The following L3MBTL2 variants were observed in gnomAD, a reference collection of about 807,000 sequenced individuals.
L3MBTL2 encodes lethal(3)malignant brain tumor-like protein 2.
In L3MBTL2, 49 loss-of-function variants were observed where a neutral mutation model predicts 86.4. That is an observed-to-expected ratio of 0.57 (90% CI 0.45 to 0.72). The LOEUF (loss-of-function observed/expected upper bound fraction) is 0.72, where lower values mean the gene tolerates loss of function less well. Among genes scored for constraint, L3MBTL2 ranks in the 30% least tolerant of loss-of-function variants. The pLI is 0.00. For missense variants in L3MBTL2, 755 were observed against 923.7 expected, an observed-to-expected ratio of 0.82 and a Z score of 2.37; for synonymous variants, 336 against 350.6, an observed-to-expected ratio of 0.96 and a Z score of 0.47.
rs778258791 is a variant in L3MBTL2 at position 41,227,553 on chromosome 22, G to A, written c.1822+230G>A. Reference sequence around the variant, plus strand: ...CTTCATCTTGCCCACTCTGTCATATGTTCGTGCCCTTGTGCACCCAGGTAA... The same window carrying A: ...CTTCATCTTGCCCACTCTGTCATATATTCGTGCCCTTGTGCACCCAGGTAA... On this transcript the variant is annotated intron_variant, in intron 14 of 16. Coordinates refer to ENST00000216237, the MANE Select transcript of L3MBTL2 (RefSeq NM_031488.5). The surrounding 1 kb of genome is among the most constrained non-coding windows in gnomAD (Gnocchi z 6.0). The A allele has an allele frequency of 3.9e-6, 6 of 1,533,580 alleles. No homozygotes were observed. Among genetic ancestry groups the A allele is most frequent in the Non-Finnish European group, 5.3e-6 (6 of 1,132,558 alleles). 95.0% of individuals were successfully genotyped at this position (1,533,580 alleles called of 1,614,324 possible).
At chr22:41,221,907 T>C (rs1183880089) in intron 8 of L3MBTL2, among the ~76,000 whole-genome samples, 1 of 132,052 alleles carries the variant, frequency 7.6e-6, no homozygotes, top group African/African-American at 2.9e-5. Flanking sequence ...CCAGCCTTTT[T>C]TTTCTTTTTG....
chr22:41,221,968 G>A (rs2031856473), intron 8 of L3MBTL2, among the ~76,000 whole-genome samples: 1 of 151,448 alleles, frequency 6.6e-6, no homozygotes. Context: ...GCATAATCTT[G>A]GCTCATTGCA....
chr22:41,227,101 C>T lies in L3MBTL2; in HGVS notation c.1600C>T (p.His534Tyr). The change falls in exon 14 of 17, where the codon CAT becomes TAT. Residue 534 changes from histidine (H) to tyrosine (Y), a missense_variant. Physicochemically the swap from His to Tyr is moderately conservative, Grantham distance 83. Transcript: ENST00000216237. The surrounding 1 kb of genome is among the most constrained non-coding windows in gnomAD (Gnocchi z 6.0). ...TTTTCTGCCCCAGGATTGCCCAAACCATGGCTTCAAGGTGGGCATGAAGCT... is the reference window on the plus strand; with the variant it reads ...TTTTCTGCCCCAGGATTGCCCAAACTATGGCTTCAAGGTGGGCATGAAGCT... ...SRLFNMDCPN[H>Y]GFKVGMKLEA... 6.2e-7 allele frequency: 1 copy of T among 1,612,336 alleles called. No individual in the cohort carries two copies. The highest frequency in any genetic ancestry group is 8.5e-7 in the Non-Finnish European group (1 of 1,179,468).
In L3MBTL2 at chr22:41,230,563, TC is replaced by T; in HGVS notation, c.*318del. 1.6e-5 allele frequency: 6 copies of T among 364,698 alleles called. No homozygotes were observed. Among genetic ancestry groups the T allele is most frequent in the East Asian group, 1.2e-4 (2 of 16,352 alleles). The allele number at this position is 364,698 out of a possible 1,614,324, so 22.6% of individuals were successfully genotyped here. On this transcript the variant is annotated 3_prime_UTR_variant, in exon 17 of 17. Transcript: ENST00000216237. Reference sequence around the variant, plus strand: ...CTGCCTGCTCTTCCTTAAGATGGCCTCCCCCCGACCCGCCACGGCCCTCAGT... The same window carrying T: ...CTGCCTGCTCTTCCTTAAGATGGCCTCCCCCGACCCGCCACGGCCCTCAGT...
Position 41,214,230 on chromosome 22 carries a change from T to G in L3MBTL2, c.396+204T>G, listed in dbSNP as rs963531602. On this transcript the variant is annotated intron_variant, in intron 3 of 16. Coordinates refer to ENST00000216237, the MANE Select transcript of L3MBTL2 (RefSeq NM_031488.5). ...ATAGGTTCCTGAAGCTACGCTCCATTACCTACCATCATCCCCCAGAGTCTG... is the reference window on the plus strand; with the variant it reads ...ATAGGTTCCTGAAGCTACGCTCCATGACCTACCATCATCCCCCAGAGTCTG... 19 of 540,786 alleles carry G rather than the reference T, an allele frequency of 3.5e-5. No individual in the cohort carries two copies. In the South Asian group the frequency reaches 4.0e-4, roughly 11 times the overall value. The allele number at this position is 540,786 out of a possible 1,614,324, so 33.5% of individuals were successfully genotyped here.
At chr22:41,226,534 A>C (rs2032195541) in intron 12 of L3MBTL2, 128 bp from the exon 13 acceptor site, 1 of 719,082 alleles carries the variant, frequency 1.4e-6, no homozygotes, top group Non-Finnish European at 2.5e-6. Flanking sequence ...GATGAGAAGA[A>C]GGCTGCTGGG....
At chr22:41,211,413 C>T (rs1363287587) in intron 2 of L3MBTL2, among the ~76,000 whole-genome samples, 1 of 151,688 alleles carries the variant, frequency 6.6e-6, no homozygotes. Context: ...GCCCTGTTAC[C>T]CAGGCTGGTC....
At chr22:41,207,462 ATCC>A (rs1198119741) in intron 1 of L3MBTL2, among the ~76,000 whole-genome samples, 11 of 151,698 alleles carry the variant, frequency 7.3e-5, no homozygotes, top group Non-Finnish European at 1.0e-4. Context: ...GGCTCAAGCA[ATCC>A]TCCTGTCTCG....
Position 41,224,597 on chromosome 22 carries a change from A to C in L3MBTL2, c.1175-128A>C, listed in dbSNP as rs1326751411. ...TGCTACTCTGGGGTGGGGGGTCCTGAGATACAGAGATACAGCTGAGAACAC... is the reference window on the plus strand; with the variant it reads ...TGCTACTCTGGGGTGGGGGGTCCTGCGATACAGAGATACAGCTGAGAACAC... On this transcript the variant is annotated intron_variant, in intron 9 of 16. Coordinates refer to ENST00000216237, the MANE Select transcript of L3MBTL2 (RefSeq NM_031488.5). The surrounding 1 kb of genome is among the most constrained non-coding windows in gnomAD (Gnocchi z 4.9). 11 of 694,028 alleles carry C rather than the reference A, an allele frequency of 1.6e-5. No homozygotes were observed. Among genetic ancestry groups the C allele is most frequent in the Non-Finnish European group, 2.8e-5 (11 of 389,964 alleles). 43.0% of individuals were successfully genotyped at this position (694,028 alleles called of 1,614,324 possible).
Position 41,227,847 on chromosome 22 carries a change from A to G in L3MBTL2, c.1866A>G (p.Lys622=). 1.2e-6 allele frequency: 2 copies of G among 1,613,636 alleles called. No homozygotes were observed. The highest frequency in any genetic ancestry group is 1.1e-5 in the South Asian group (1 of 91,028). Residue 622 remains lysine (K), a synonymous_variant, in exon 15 of 17, where the codon AAA becomes AAG. Coordinates refer to ENST00000216237, the MANE Select transcript of L3MBTL2 (RefSeq NM_031488.5). This position sits in a 1 kb window ranked among gnomAD's most constrained non-coding sequence, Gnocchi z 6.0. Reference sequence around the variant, plus strand: ...AGGCCAAAGAGGCCACAAAGAAGAAAAAGAAACAGTTTGGGAAGAAAAGTA... The same window carrying G: ...AGGCCAAAGAGGCCACAAAGAAGAAGAAGAAACAGTTTGGGAAGAAAAGTA... ...PLKAKEATKK[K]KKQFGKKRKR...
chr22:41,229,767 T>C, intron 16 of L3MBTL2, 111 bp downstream of exon 16: 1 of 1,572,266 alleles, frequency 6.4e-7, no homozygotes, highest in African/African-American at 1.3e-5. Context: ...TTCTTTGGCA[T>C]TTTCTGGGCA....
chr22:41,219,416 C>CG lies in L3MBTL2; in HGVS notation c.601-3_601-2insG. 1 of 1,604,458 alleles carries CG rather than the reference C, an allele frequency of 6.2e-7. No homozygotes were observed. ...CTCTCGGTACACTCTCATCGCCACA[C>CG]AGGTCCCACTCTATGACCAGTGGGA... On this transcript the variant is annotated splice_region_variant and splice_polypyrimidine_tract_variant and intron_variant, in intron 5 of 16. Transcript: ENST00000216237.
chr22:41,225,993 G>C lies in L3MBTL2; in HGVS notation c.1504+52G>C. 6.3e-7 allele frequency: 1 copy of C among 1,590,430 alleles called. No individual in the cohort carries two copies. The highest frequency in any genetic ancestry group is 8.6e-7 in the Non-Finnish European group (1 of 1,167,668). On this transcript the variant is annotated intron_variant, in intron 12 of 16. Coordinates refer to ENST00000216237, the MANE Select transcript of L3MBTL2 (RefSeq NM_031488.5). This position sits in a 1 kb window ranked among gnomAD's most constrained non-coding sequence, Gnocchi z 4.1. The stretch of plus-strand genomic sequence containing the variant: ...TGTCCTTGCCATCAGAAGGGGCAGG[G>C]TGTCCAGGCGCGGTGGCTCCCGCCT...
Position 41,227,702 on chromosome 22 carries a change from G to A in L3MBTL2, c.1823-102G>A. 2 of 1,598,436 alleles carry A rather than the reference G, an allele frequency of 1.3e-6. No homozygotes were observed. Among genetic ancestry groups the A allele is most frequent in the Non-Finnish European group, 1.7e-6 (2 of 1,171,648 alleles). ...CAGGTTTGGCTTCCTGTCTTGGGGT[G>A]TCTCGTGTGGGAGGGTGGATGGGGT... On this transcript the variant is annotated intron_variant, in intron 14 of 16. Transcript: ENST00000216237. The surrounding 1 kb of genome is among the most constrained non-coding windows in gnomAD (Gnocchi z 6.0).
At position 41,213,457 on chromosome 22, in the gene L3MBTL2, CTT is replaced by C. The variant is rs139449; in HGVS notation, c.263-421_263-420del. 2.8e-3 allele frequency among the ~76,000 whole-genome samples: 354 copies of C among 127,160 alleles called. 9 individuals carry two copies. In the East Asian group the frequency reaches 0.046, roughly 17 times the overall value. 83.4% of individuals were successfully genotyped at this position (127,160 alleles called of 152,430 possible). ...TTCCCCCCGCCAAATCACACCTGGC[CTT>C]TTTTTTTTTTTTTTGGGCAACAAGG... is the stretch of plus-strand genomic sequence containing the variant. On this transcript the variant is annotated intron_variant, in intron 2 of 16. Coordinates refer to ENST00000216237, the MANE Select transcript of L3MBTL2 (RefSeq NM_031488.5).
chr22:41,209,186 C>G (rs760225926), intron 1 of L3MBTL2: 3 of 159,078 alleles, frequency 1.9e-5, no homozygotes, highest in Non-Finnish European at 2.8e-5. Context: ...CCACTACAAC[C>G]TTTGCCTCCT....
At chr22:41,214,287 G>A (rs1954301095) in intron 3 of L3MBTL2, 1 of 306,760 alleles carries the variant, frequency 3.3e-6, no homozygotes, top group Non-Finnish European at 6.1e-6. Flanking sequence ...CAAGAACTAT[G>A]GGGGAGTCTG....
In L3MBTL2 at chr22:41,224,387, C is replaced by G. The variant is rs2032043764; in HGVS notation, c.1174+136C>G. Reference sequence around the variant, plus strand: ...CCCCTGCAGTGATGATACTGAGCTCCAGAGAGCTTGAGTAACTTGACAAAA... The same window carrying G: ...CCCCTGCAGTGATGATACTGAGCTCGAGAGAGCTTGAGTAACTTGACAAAA... On this transcript the variant is annotated intron_variant, in intron 9 of 16. Transcript: ENST00000216237. The surrounding 1 kb of genome is among the most constrained non-coding windows in gnomAD (Gnocchi z 4.9). The G allele has an allele frequency of 6.1e-6, 4 of 650,624 alleles. No individual in the cohort carries two copies. In the Admixed American group the frequency reaches 1.2e-4, roughly 19 times the overall value. 40.3% of individuals were successfully genotyped at this position (650,624 alleles called of 1,614,324 possible).
chr22:41,214,568 T>C (rs2031179081), intron 3 of L3MBTL2: 1 of 152,322 alleles, frequency 6.6e-6, no homozygotes. Context: ...ACATACCTAG[T>C]GTGGCTCTGT....
Sources: gnomAD v4.1 joint callset for allele counts (sites outside exome capture counted in the v4.1 genomes callset) on GRCh38, gnomAD v4.1.1 for gene constraint, Gnocchi (gnomAD v3.1) non-coding constraint, MANE v1.5 for transcripts, NCBI Gene and HGNC (gene_info 2026-07-23, HGNC 2026-07-21) for gene names.